Variants in EPSTI1 observed in about 807,000 individuals in gnomAD.
The protein encoded by EPSTI1 is epithelial-stromal interaction protein 1.
Under a neutral mutation model 49.9 loss-of-function variants are expected in EPSTI1, and 66 were observed. The observed-to-expected ratio is 1.32, with a 90% CI of 1.08 to 1.62. The LOEUF (loss-of-function observed/expected upper bound fraction) is 1.62, where lower values mean the gene tolerates loss of function less well. Among genes scored for constraint, EPSTI1 ranks in the 40% most tolerant of loss-of-function variants. EPSTI1 has a pLI of 0.00. For missense variants in EPSTI1, 394 were observed against 365.5 expected (o/e 1.08, Z -0.64); for synonymous variants, 137 against 130.7 (o/e 1.05, Z -0.33).
chr13:42,951,492 G>A (rs1196672789), intron 6 of EPSTI1, among the ~76,000 whole-genome samples: 2 of 152,314 alleles, frequency 1.3e-5, no homozygotes, highest in East Asian at 1.9e-4. Flanking sequence ...ATAAGCAGAA[G>A]AAAGAGCAAG....
At position 42,887,954 on chromosome 13, in the gene EPSTI1, A is replaced by G. The variant is rs937802582; in HGVS notation, c.*540T>C. 8.6e-5 allele frequency: 18 copies of G among 208,854 alleles called. No individual in the cohort carries two copies. Among genetic ancestry groups the G allele is most frequent in the Non-Finnish European group, 1.5e-4 (16 of 105,820 alleles). The allele number at this position is 208,854 out of a possible 1,614,324, so 12.9% of individuals were successfully genotyped here. Reference sequence around the variant, plus strand: ...CCCTTCAAGAGAGAAAACCCCAATAACTTTTCATTAAAAATAAAAATGACC... The same window carrying G: ...CCCTTCAAGAGAGAAAACCCCAATAGCTTTTCATTAAAAATAAAAATGACC... On this transcript the variant is annotated 3_prime_UTR_variant, in exon 11 of 11. Transcript: ENST00000313624.
chr13:42,927,201 A>G (rs2038211145), intron 6 of EPSTI1, among the ~76,000 whole-genome samples: 1 of 152,178 alleles, frequency 6.6e-6, no homozygotes, highest in South Asian at 2.1e-4. Flanking sequence ...TTTACCTTAA[A>G]AATCCAAACC....
At chr13:42,898,644 A>ATAAGCT (rs2037266079) in intron 9 of EPSTI1, among the ~76,000 whole-genome samples, 1 of 151,932 alleles carries the variant, frequency 6.6e-6, no homozygotes, top group South Asian at 2.1e-4. Context: ...TAGTATGGAA[A>ATAAGCT]TAAAGAATGA....
chr13:42,918,633 C>T (rs536162874), intron 7 of EPSTI1, among the ~76,000 whole-genome samples: 1 of 152,230 alleles, frequency 6.6e-6, no homozygotes, highest in East Asian at 1.9e-4. Context: ...GAACCACTTC[C>T]CAGAAAAAGA....
At chr13:42,974,598 G>A (rs917941370) in intron 1 of EPSTI1, among the ~76,000 whole-genome samples, 2 of 151,594 alleles carry the variant, frequency 1.3e-5, no homozygotes. Context: ...GGCGGAGCTT[G>A]CAGTGAGCCG....
At chr13:42,972,224 A>G (rs1305608784) in intron 1 of EPSTI1, among the ~76,000 whole-genome samples, 1 of 152,174 alleles carries the variant, frequency 6.6e-6, no homozygotes, top group African/African-American at 2.4e-5. Flanking sequence ...CACAAATTTG[A>G]CTATACTCCA....
intron 1 of EPSTI1, among the ~76,000 whole-genome samples, chr13:42,974,418 G>A (rs1043800169): frequency 3.3e-5 from 5 of 152,182 alleles, no homozygotes; most frequent in African/African-American, 9.6e-5. Flanking sequence ...AGCACTTTGG[G>A]AGGCCAGGGC....
chr13:42,953,942 A>G lies in EPSTI1; in HGVS notation c.563+6T>C. ...AAGGCACGAAGTTCTGAAAACATTA[A>G]CTTACTATTGCTGATGCTCTCTAAA... On this transcript the variant is annotated splice_donor_region_variant and intron_variant, in intron 6 of 10. Transcript: ENST00000313624. 1 of 1,609,834 alleles carries G rather than the reference A, an allele frequency of 6.2e-7. No homozygotes were observed. Among genetic ancestry groups the G allele is most frequent in the Non-Finnish European group, 8.5e-7 (1 of 1,178,760 alleles).
chr13:42,911,338 T>A (rs2037681052), intron 8 of EPSTI1, among the ~76,000 whole-genome samples: 1 of 152,084 alleles, frequency 6.6e-6, no homozygotes, highest in African/African-American at 2.4e-5. Flanking sequence ...ATGGGGATAG[T>A]GAAATAAACT....
chr13:42,977,340 G>A (rs1421115573), intron 1 of EPSTI1, among the ~76,000 whole-genome samples: 1 of 152,152 alleles, frequency 6.6e-6, no homozygotes. Context: ...TAGCACTTCT[G>A]TATTATTCAG....
chr13:42,900,160 A>T, intron 9 of EPSTI1, 150 bp downstream of exon 9: 2 of 682,082 alleles, frequency 2.9e-6, no homozygotes, highest in Non-Finnish European at 5.0e-6. Context: ...GCATACCTCT[A>T]CATATATCAC....
chr13:42,978,422 T>C (rs991748853), intron 1 of EPSTI1, among the ~76,000 whole-genome samples: 4 of 152,178 alleles, frequency 2.6e-5, no homozygotes, highest in African/African-American at 7.2e-5. Context: ...TGCATTCTTT[T>C]GAGTTTCTGA....
intron 5 of EPSTI1, among the ~76,000 whole-genome samples, chr13:42,957,823 C>T (rs530056740): frequency 2.6e-5 from 4 of 152,238 alleles, no homozygotes; most frequent in Non-Finnish European, 5.9e-5. Context: ...AATTGGCCCG[C>T]CTTAGCTCCC....
At chr13:42,930,049 C>G (rs572242906) in intron 6 of EPSTI1, among the ~76,000 whole-genome samples, 5 of 152,256 alleles carry the variant, frequency 3.3e-5, no homozygotes, top group African/African-American at 1.2e-4. Context: ...CTTAAAAGCA[C>G]CCCTGGTGAT....
chr13:42,915,833 T>C (rs1038590720), intron 8 of EPSTI1, among the ~76,000 whole-genome samples: 1 of 151,898 alleles, frequency 6.6e-6, no homozygotes, highest in Non-Finnish European at 1.5e-5. Flanking sequence ...GATTAAGAAA[T>C]AAAAAGTTTA....
intron 9 of EPSTI1, among the ~76,000 whole-genome samples, chr13:42,897,426 G>T (rs531765292): frequency 1.3e-5 from 2 of 152,288 alleles, no homozygotes; most frequent in East Asian, 3.9e-4. Context: ...ACATGGTGAG[G>T]CACCCCTTCT....
chr13:42,919,870 A>G (rs1002907812), intron 7 of EPSTI1, among the ~76,000 whole-genome samples: 7 of 152,226 alleles, frequency 4.6e-5, no homozygotes, highest in Non-Finnish European at 8.8e-5. Context: ...CTGGTGGCTT[A>G]AAGAACAGAA....
Position 42,917,634 on chromosome 13 carries a change from T to G in EPSTI1, c.658-10A>C, listed in dbSNP as rs761899215. 8.1e-6 allele frequency: 2 copies of G among 247,950 alleles called. No homozygotes were observed. The highest frequency in any genetic ancestry group is 1.5e-5 in the Non-Finnish European group (2 of 136,096). The allele number at this position is 247,950 out of a possible 1,614,324, so 15.4% of individuals were successfully genotyped here. On this transcript the variant is annotated splice_polypyrimidine_tract_variant and intron_variant, in intron 7 of 10. Coordinates refer to ENST00000313624, the MANE Select transcript of EPSTI1 (RefSeq NM_033255.5). The stretch of plus-strand genomic sequence containing the variant: ...AAGCCCAGCTTCTGGCCTGTAAAGG[T>G]ACAAAGAGAAAAAAAAAAAAAAAAA...
intron 7 of EPSTI1, chr13:42,919,209 G>T (rs957518116): frequency 2.1e-5 from 24 of 1,146,574 alleles, no homozygotes; most frequent in East Asian, 9.5e-5. Context: ...ATTAAATAAG[G>T]TGCCTTATAA....
Sources: allele counts gnomAD v4.1 joint callset (sites outside exome capture counted in the v4.1 genomes callset), GRCh38; gene constraint gnomAD v4.1.1; transcripts MANE v1.5; gene names NCBI Gene and HGNC (gene_info 2026-07-23, HGNC 2026-07-21).